Variants in GUCD1 observed in about 807,000 individuals in gnomAD.
The protein encoded by GUCD1 is protein GUCD1.
A neutral mutation model predicts 28.3 loss-of-function variants in GUCD1; 17 were observed. The observed-to-expected ratio is 0.60, with a 90% CI of 0.41 to 0.90. GUCD1 has a LOEUF of 0.90. Ranked by LOEUF, GUCD1 falls within the 40% of genes least tolerant of loss-of-function variation. The pLI, the probability that GUCD1 is intolerant of heterozygous loss-of-function variation, is 0.00. For missense variants in GUCD1, 279 were observed against 305.5 expected (o/e 0.91, Z 0.65); for synonymous variants, 129 against 123.3 (o/e 1.05, Z -0.30).
At chr22:24,547,837 A>G (rs1238215881) in intron 3 of GUCD1, 71 bp downstream of exon 3, 14 of 1,528,440 alleles carry the variant, frequency 9.2e-6, no homozygotes, top group African/African-American at 1.4e-5. Context: ...CCCTCTTCCA[A>G]CTACTGGAAC....
intron 3 of GUCD1, chr22:24,547,275 C>A: frequency 2.2e-6 from 1 of 450,812 alleles, no homozygotes; most frequent in Non-Finnish European, 4.1e-6. Context: ...TGGGGAGGAT[C>A]GATCACCCTT....
intron 4 of GUCD1, among the ~76,000 whole-genome samples, chr22:24,546,594 C>T (rs1445415256): frequency 6.6e-6 from 1 of 152,240 alleles, no homozygotes; most frequent in Non-Finnish European, 1.5e-5. Flanking sequence ...ATCGCCCTTT[C>T]ATTAGGGGCC....
intron 4 of GUCD1, among the ~76,000 whole-genome samples, chr22:24,546,100 T>G (rs2044719555): frequency 6.6e-6 from 1 of 152,110 alleles, no homozygotes; most frequent in Admixed American, 6.5e-5. Context: ...TAGCTGGGAC[T>G]ACAGGCGCCT....
chr22:24,543,189 C>T, intron 5 of GUCD1, 92 bp from the exon 6 acceptor site: 1 of 907,612 alleles, frequency 1.1e-6, no homozygotes, highest in South Asian at 1.3e-5. Context: ...TGAGTGAGGT[C>T]TGTTTCCCAT....
In GUCD1 at chr22:24,543,012, G is replaced by C. The variant is rs756251318; in HGVS notation, c.714C>G (p.Asp238Glu). The C allele has an allele frequency of 5.6e-6, 9 of 1,611,874 alleles. No individual in the cohort carries two copies. The highest frequency in any genetic ancestry group is 7.6e-6 in the Non-Finnish European group (9 of 1,178,068). The change falls in exon 6 of 6, where the codon GAC becomes GAG. Residue 238 changes from aspartate to glutamate, a missense_variant. Physicochemically the swap from Asp to Glu is conservative, Grantham distance 45 (BLOSUM62 2). Coordinates refer to ENST00000435822, the MANE Select transcript of GUCD1 (RefSeq NM_001284254.2). ...TDEDILFVYL[D>E]S is the part of the protein sequence containing the mutation. ...GCGCACCAGGCTCCTGCTGTCAGCT[G>C]TCCAAGTAGACAAAGAGGATGTCCT...
Position 24,548,989 on chromosome 22 carries a change from T to G in GUCD1, c.56A>C (p.Gln19Pro). ...CTGCTGGATGACGGGCACAGGCAGT[T>G]GCACAAAGTCCCCTGTGCAGAAACA... The part of the protein sequence containing the change: ...GPPLEPGDFV[Q>P]LPVPVIQQLY... Residue 19 changes from glutamine (Q) to proline (P), a missense_variant, in exon 2 of 6, where the codon CAA (glutamine) becomes CCA (proline). Transcript: ENST00000435822. 2 of 1,578,256 alleles carry G rather than the reference T, an allele frequency of 1.3e-6. No homozygotes were observed.
chr22:24,555,230 A>T, upstream of GUCD1: 3 of 1,297,502 alleles, frequency 2.3e-6, no homozygotes, highest in Non-Finnish European at 2.9e-6. Context: ...TTGATCTTAG[A>T]GGTCCCCAGC....
chr22:24,550,156 T>C (rs1407210482), intron 1 of GUCD1, among the ~76,000 whole-genome samples: 2 of 152,230 alleles, frequency 1.3e-5, no homozygotes. Context: ...GCTGACTTCC[T>C]CTTGCTGGAA....
intron 1 of GUCD1, 44 bp downstream of exon 1, chr22:24,554,905 T>G: frequency 6.7e-7 from 1 of 1,488,822 alleles, no homozygotes; most frequent in Non-Finnish European, 9.3e-7. Context: ...GAGGGGTCCC[T>G]TTCGTTCCTA....
At chr22:24,555,328 T>G (rs9612656), upstream of GUCD1, 1 of 1,396,526 alleles carries the variant, frequency 7.2e-7, no homozygotes, top group Non-Finnish European at 9.3e-7. Flanking sequence ...GACGCGCAGC[T>G]CACCAGGACG....
intron 5 of GUCD1, 129 bp from the exon 6 acceptor site, chr22:24,543,226 G>C (rs1270984311): frequency 1.5e-6 from 1 of 684,276 alleles, no homozygotes; most frequent in African/African-American, 1.8e-5. Context: ...CTCAACTCAA[G>C]TCCTCCACCC....
intron 1 of GUCD1, 92 bp downstream of exon 1, chr22:24,554,857 G>T: frequency 9.8e-7 from 1 of 1,024,410 alleles, no homozygotes; most frequent in Non-Finnish European, 1.5e-6. Context: ...GCGGGAGTCG[G>T]CCCAAGGTCG....
chr22:24,546,290 CAT>C (rs1180897168), intron 4 of GUCD1, among the ~76,000 whole-genome samples: 10 of 152,170 alleles, frequency 6.6e-5, no homozygotes, highest in East Asian at 1.9e-4. Flanking sequence ...AATCACCTAT[CAT>C]GTGATTATAC....
upstream of GUCD1, chr22:24,555,581 C>G: frequency 6.5e-7 from 1 of 1,546,880 alleles, no homozygotes; most frequent in Non-Finnish European, 8.7e-7. Flanking sequence ...TTTATCCGTA[C>G]CAGATACCTA....
chr22:24,544,235 C>A, intron 4 of GUCD1, 152 bp from the exon 5 acceptor site: 1 of 1,088,096 alleles, frequency 9.2e-7, no homozygotes, highest in Non-Finnish European at 1.3e-6. Flanking sequence ...CACTGTGGCC[C>A]AGGCTCAGCC....
At chr22:24,555,694 G>A, upstream of GUCD1, 1 of 1,550,682 alleles carries the variant, frequency 6.4e-7, no homozygotes, top group East Asian at 2.4e-5. Flanking sequence ...TCCCCGGTCT[G>A]AGGGCCCAAG....
intron 1 of GUCD1, 73 bp downstream of exon 1, chr22:24,554,876 G>A (rs1246182608): frequency 3.2e-6 from 4 of 1,266,624 alleles, no homozygotes; most frequent in Non-Finnish European, 4.5e-6. Context: ...CGCGCGACTG[G>A]ACCCTGCCCC....
chr22:24,543,213 C>G, intron 5 of GUCD1, 116 bp from the exon 6 acceptor site: 1 of 738,656 alleles, frequency 1.4e-6, no homozygotes, highest in Non-Finnish European at 2.4e-6. Context: ...CATGGCCATT[C>G]CTCTCAACTC....
upstream of GUCD1, chr22:24,555,785 C>A: frequency 6.5e-7 from 1 of 1,549,880 alleles, no homozygotes; most frequent in Non-Finnish European, 8.7e-7. Flanking sequence ...GGCTCTTTGC[C>A]GGCCCCAAGG....
Sources: gnomAD v4.1 joint callset for allele counts (sites outside exome capture counted in the v4.1 genomes callset) on GRCh38, gnomAD v4.1.1 for gene constraint, MANE v1.5 for transcripts, NCBI Gene and HGNC (gene_info 2026-07-23, HGNC 2026-07-21) for gene names.